IL2RB: variants seen among roughly 807,000 people sequenced by gnomAD.
The protein encoded by IL2RB is interleukin 2 receptor subunit beta.
In IL2RB, 17 loss-of-function variants were observed where a neutral mutation model predicts 44.2. The observed-to-expected ratio is 0.38, with a 90% CI of 0.26 to 0.58. IL2RB has a LOEUF of 0.58. IL2RB is among the 20% of genes least tolerant of loss of function. IL2RB has a pLI of 0.63. For synonymous variants in IL2RB, 286 were observed against 297.9 expected (o/e 0.96, Z 0.41); for missense variants, 624 against 685.5 (o/e 0.91, Z 1.00).
Position 37,144,166 on chromosome 22 carries a change from C to T in IL2RB, c.7G>A (p.Ala3Thr). Residue 3 changes from alanine (A) to threonine (T), a missense_variant, in exon 2 of 10, where the codon GCC (alanine) becomes ACC (threonine). Coordinates refer to ENST00000216223, the MANE Select transcript of IL2RB (RefSeq NM_000878.5). ...GGCAGACGCCAGGACAGAGCAGGGG[C>T]CGCCATTACATCCACAGGGTGGAGC... is the stretch of plus-strand genomic sequence containing the variant. MA[A>T]PALSWRLPLL... is the part of the protein sequence containing the mutation. 5 of 1,551,044 alleles carry T rather than the reference C, an allele frequency of 3.2e-6. No individual in the cohort carries two copies. The highest frequency in any genetic ancestry group is 4.4e-6 in the Non-Finnish European group (5 of 1,146,738).
chr22:37,132,278 G>T, intron 9 of IL2RB, 106 bp downstream of exon 9: 3 of 787,144 alleles, frequency 3.8e-6, no homozygotes, highest in Non-Finnish European at 4.2e-6. Context: ...TGCTCACTTC[G>T]GCGTTTTGTC....
rs1922014059 is a variant in IL2RB at position 37,142,455 on chromosome 22, G to A, written c.261C>T (p.Asn87=). The change falls in exon 4 of 10, where the codon AAC becomes AAT. Residue 87 remains asparagine, a synonymous_variant. Coordinates refer to ENST00000216223, the MANE Select transcript of IL2RB (RefSeq NM_000878.5). Reference sequence around the variant, plus strand: ...TCACATCTGGGGCTCCGAGGATCAGGTTGCAGGCCCAGGATGCTTGACTCA... The same window carrying A: ...TCACATCTGGGGCTCCGAGGATCAGATTGCAGGCCCAGGATGCTTGACTCA... The part of the protein sequence containing the change: ...LPVSQASWAC[N]LILGAPDSQK... The A allele has an allele frequency of 6.2e-7, 1 of 1,614,056 alleles. No individual in the cohort carries two copies. The highest frequency in any genetic ancestry group is 8.5e-7 in the Non-Finnish European group (1 of 1,180,010).
chr22:37,171,014 C>T (rs762468596), intron 1 of IL2RB, among the ~76,000 whole-genome samples: 2 of 151,974 alleles, frequency 1.3e-5, no homozygotes, highest in East Asian at 1.9e-4. Context: ...GACAGAGGCT[C>T]GCTCTGTTGC....
rs139412836 is a variant in IL2RB at position 37,158,112 on chromosome 22, A to G, written c.-33-13907T>C. 2.6e-5 allele frequency among the ~76,000 whole-genome samples: 4 copies of G among 152,284 alleles called. No homozygotes were observed. The East Asian group carries it at 7.7e-4, about 29-fold the overall frequency. On this transcript the variant is annotated intron_variant, in intron 1 of 5. Coordinates refer to the IL2RB transcript ENST00000429622. ...TTCCACACCTAAAACTCATCAACAGAGTGACCCATGTTGAACACGTGTGTA... is the reference window on the plus strand; with the variant it reads ...TTCCACACCTAAAACTCATCAACAGGGTGACCCATGTTGAACACGTGTGTA...
intron 5 of IL2RB, 142 bp downstream of exon 5, chr22:37,138,975 C>T (rs551491213): frequency 1.4e-4 from 86 of 616,954 alleles, no homozygotes; most frequent in Admixed American, 5.9e-4. Flanking sequence ...GACGTCATCC[C>T]GAGAACAGCG....
intron 1 of IL2RB, among the ~76,000 whole-genome samples, chr22:37,146,283 C>A (rs923667254): frequency 2.6e-5 from 4 of 152,196 alleles, no homozygotes; most frequent in Admixed American, 1.3e-4. Flanking sequence ...CCTCCAACCA[C>A]CCACATCCCT....
intron 1 of IL2RB, among the ~76,000 whole-genome samples, chr22:37,164,788 G>A (rs904689788): frequency 3.9e-5 from 6 of 152,150 alleles, no homozygotes; most frequent in African/African-American, 2.4e-5. Flanking sequence ...CTACAGAGCA[G>A]AAAGTTCTAG....
At chr22:37,157,756 T>C (rs1922730141) in intron 1 of IL2RB, among the ~76,000 whole-genome samples, 1 of 152,144 alleles carries the variant, frequency 6.6e-6, no homozygotes, top group African/African-American at 2.4e-5. Flanking sequence ...CTTATGAGTC[T>C]ACACCAGGAG....
chr22:37,148,691 A>G (rs898855467), intron 1 of IL2RB, among the ~76,000 whole-genome samples: 2 of 151,878 alleles, frequency 1.3e-5, no homozygotes, highest in Non-Finnish European at 2.9e-5. Flanking sequence ...AGCCCTCCCT[A>G]CAGCCCCATG....
In IL2RB at chr22:37,128,238, G is replaced by A. The variant is rs771591398; in HGVS notation, c.1514C>T (p.Pro505Leu). ...CCAGGGGAAACTGACTCCCTCCCTG[G>A]GGCCAGCGTCAGGGACCTCCTCCCC... The part of the protein sequence containing the change: ...EAGEEVPDAG[P>L]REGVSFPWSR... Residue 505 changes from proline to leucine, a missense_variant, in exon 10 of 10, where the codon CCC (proline) becomes CTC (leucine). By Grantham distance (98) the Pro-to-Leu change is moderately conservative (BLOSUM62 -3). Coordinates refer to ENST00000216223, the MANE Select transcript of IL2RB (RefSeq NM_000878.5). The surrounding 1 kb of genome is among the most constrained non-coding windows in gnomAD (Gnocchi z 4.5). 6.6e-7 allele frequency: 1 copy of A among 1,504,066 alleles called. No homozygotes were observed. The highest frequency in any genetic ancestry group is 8.9e-7 in the Non-Finnish European group (1 of 1,127,880). 93.2% of individuals were successfully genotyped at this position (1,504,066 alleles called of 1,614,324 possible). A position where few individuals can be genotyped will look rare whatever the true frequency, so the allele number is the denominator to read the frequency against.
Position 37,144,118 on chromosome 22 carries a change from G to C in IL2RB, c.55C>G (p.Leu19Val). The change falls in exon 2 of 10, where the codon CTG becomes GTG. Residue 19 changes from leucine to valine, a missense_variant. Around this residue, in one of 3 missense-constraint regions of IL2RB, gnomAD observed 78 missense variants for 70.0 expected, o/e 1.11. Transcript: ENST00000216223. ...RLPLLILLLPLATSWASAAVN... is the reference protein window; with the variant it reads ...RLPLLILLLPVATSWASAAVN... Reference sequence around the variant, plus strand: ...GCTGCAGATGCCCAAGAGGTAGCCAGGGGCAGGAGGAGGATGAGGAGGGGC... The same window carrying C: ...GCTGCAGATGCCCAAGAGGTAGCCACGGGCAGGAGGAGGATGAGGAGGGGC... 3 of 1,552,534 alleles carry C rather than the reference G, an allele frequency of 1.9e-6. No homozygotes were observed. The highest frequency in any genetic ancestry group is 2.6e-6 in the Non-Finnish European group (3 of 1,147,296).
chr22:37,148,932 C>T (rs1255466061), intron 1 of IL2RB, among the ~76,000 whole-genome samples: 2 of 152,110 alleles, frequency 1.3e-5, no homozygotes, highest in Non-Finnish European at 2.9e-5. Flanking sequence ...CCTATGTCCC[C>T]TCGTCCTCTC....
intron 1 of IL2RB, among the ~76,000 whole-genome samples, chr22:37,165,926 G>A (rs1601614180): frequency 6.6e-6 from 1 of 152,136 alleles, no homozygotes; most frequent in Non-Finnish European, 1.5e-5. Context: ...TTCTCCCTAC[G>A]GCAAGGAAGT....
chr22:37,172,820 C>A (rs1365343300), intron 1 of IL2RB, among the ~76,000 whole-genome samples: 2 of 152,170 alleles, frequency 1.3e-5, no homozygotes, highest in African/African-American at 2.4e-5. Context: ...TGCAAGCTGG[C>A]TCCAGCCACC....
At chr22:37,154,575 CT>C (rs57147928), upstream of IL2RB, among the ~76,000 whole-genome samples, 182 of 141,462 alleles carry the variant, frequency 1.3e-3, no homozygotes, top group Admixed American at 1.6e-3. Context: ...CTTTTTTTTT[CT>C]TTTTTTTTTT....
At chr22:37,158,966 C>T (rs1031986555) in intron 1 of IL2RB, among the ~76,000 whole-genome samples, 4 of 152,260 alleles carry the variant, frequency 2.6e-5, no homozygotes, top group Non-Finnish European at 5.9e-5. Context: ...AGGCGGACTC[C>T]TAACCCAGGT....
chr22:37,128,147 G>T lies in IL2RB; in HGVS notation c.1605C>A (p.Ala535=). The T allele has an allele frequency of 6.3e-7, 1 of 1,582,214 alleles. No homozygotes were observed. The highest frequency in any genetic ancestry group is 8.6e-7 in the Non-Finnish European group (1 of 1,167,354). ...CCTGGAGTTCTTGGAGGGACAAGTAGGCATCAGTGTTCAGGGGCAGGCGAG... is the reference window on the plus strand; with the variant it reads ...CCTGGAGTTCTTGGAGGGACAAGTATGCATCAGTGTTCAGGGGCAGGCGAG... The part of the protein sequence containing the change: ...LNARLPLNTD[A]YLSLQELQGQ... The change falls in exon 10 of 10, where the codon GCC becomes GCA. Residue 535 remains alanine (A), a synonymous_variant. Transcript: ENST00000216223. The surrounding 1 kb of genome is among the most constrained non-coding windows in gnomAD (Gnocchi z 4.5).
chr22:37,135,720 G>A (rs1443204293), intron 7 of IL2RB, among the ~76,000 whole-genome samples: 1 of 137,894 alleles, frequency 7.3e-6, no homozygotes, highest in Non-Finnish European at 1.5e-5. Flanking sequence ...ACAGCAGCCT[G>A]GGCTCCAGCT....
intron 2 of IL2RB, 92 bp downstream of exon 2, chr22:37,143,993 T>C (rs368838157): frequency 6.5e-7 from 1 of 1,532,672 alleles, no homozygotes; most frequent in Non-Finnish European, 8.8e-7. Flanking sequence ...ACCTGGTCTC[T>C]GGCCCCATCC....
Sources: gnomAD v4.1 joint callset for allele counts (sites outside exome capture counted in the v4.1 genomes callset) on GRCh38, gnomAD v4.1.1 for gene constraint, gnomAD v4.1.1 regional missense constraint, Gnocchi (gnomAD v3.1) non-coding constraint, MANE v1.5 for transcripts, NCBI Gene and HGNC (gene_info 2026-07-23, HGNC 2026-07-21) for gene names.